Variants in ADGRL3 observed in about 807,000 individuals in gnomAD.
The protein encoded by ADGRL3 is calcium-independent alpha-latrotoxin receptor 3.
Under a neutral mutation model 153.5 loss-of-function variants are expected in ADGRL3, and 62 were observed. The ratio of observed to expected loss-of-function variants is 0.40; its 90% CI spans 0.33 to 0.50. ADGRL3 has a LOEUF of 0.50. ADGRL3 is among the 20% of genes least tolerant of loss of function. The pLI is 0.47. For missense variants in ADGRL3, 1,641 were observed against 1,859.4 expected, an observed-to-expected ratio of 0.88 and a Z score of 2.16; for synonymous variants, 710 against 672.5, an observed-to-expected ratio of 1.06 and a Z score of -0.86.
intron 7 of ADGRL3, among the ~76,000 whole-genome samples, chr4:61,731,023 G>A (rs760919996): frequency 2.6e-5 from 4 of 151,724 alleles, no homozygotes; most frequent in Non-Finnish European, 5.9e-5. Flanking sequence ...AAAGTTTTTC[G>A]AACCACCTAA....
Position 61,484,285 on chromosome 4 carries a change from G to A in ADGRL3, c.-173-12836G>A, listed in dbSNP as rs150524226. Among the ~76,000 whole-genome samples, 299 of 152,026 alleles carry A rather than the reference G, an allele frequency of 2.0e-3. 1 individual carries two copies. Among genetic ancestry groups the A allele is most frequent in the Non-Finnish European group, 3.0e-3 (206 of 67,956 alleles). ...TTGCCATTTTGCCTACCAATTTTCC[G>A]TTTTGACTACCAATTAAAACCCTAA... On this transcript the variant is annotated intron_variant, in intron 2 of 26. Coordinates refer to ENST00000683033, the MANE Select transcript of ADGRL3 (RefSeq NM_001387552.1).
At chr4:61,894,385 A>G (rs1193967695) in intron 10 of ADGRL3, among the ~76,000 whole-genome samples, 1 of 152,182 alleles carries the variant, frequency 6.6e-6, no homozygotes, top group Non-Finnish European at 1.5e-5. Context: ...TTCCAGCAAA[A>G]TATTTTAAAA....
intron 1 of ADGRL3, among the ~76,000 whole-genome samples, chr4:61,266,506 T>C (rs566701040): frequency 3.8e-4 from 57 of 151,796 alleles, no homozygotes; most frequent in Non-Finnish European, 7.7e-4. Context: ...TGTATTGCTT[T>C]GATTTACCAC....
At chr4:61,487,292 C>A (rs1407614430) in intron 2 of ADGRL3, among the ~76,000 whole-genome samples, 3 of 152,158 alleles carry the variant, frequency 2.0e-5, no homozygotes, top group Admixed American at 6.5e-5. Context: ...AACTCTCCAT[C>A]CCTCGATTTC....
chr4:61,937,649 T>G (rs1044673105), intron 15 of ADGRL3, among the ~76,000 whole-genome samples: 9 of 151,934 alleles, frequency 5.9e-5, no homozygotes, highest in African/African-American at 2.2e-4. Context: ...TATTATTATT[T>G]TTTAATCTTC....
intron 17 of ADGRL3, among the ~76,000 whole-genome samples, chr4:61,977,919 A>T (rs1369390039): frequency 1.3e-5 from 2 of 152,154 alleles, no homozygotes; most frequent in African/African-American, 2.4e-5. Context: ...CATAGTGCCC[A>T]ATAGGTTTTC....
At chr4:61,699,587 A>T (rs911012999) in intron 6 of ADGRL3, among the ~76,000 whole-genome samples, 2 of 152,030 alleles carry the variant, frequency 1.3e-5, no homozygotes, top group Non-Finnish European at 2.9e-5. Flanking sequence ...AAGAAAAATC[A>T]CTCTTGGTAG....
chr4:61,917,458 T>G (rs1263092750), intron 13 of ADGRL3, among the ~76,000 whole-genome samples: 24 of 152,172 alleles, frequency 1.6e-4, no homozygotes, highest in African/African-American at 4.8e-4. Flanking sequence ...CAGAGGAGAC[T>G]CTGATGAAAA....
At chr4:61,321,731 C>T (rs571307416) in intron 1 of ADGRL3, among the ~76,000 whole-genome samples, 7 of 152,048 alleles carry the variant, frequency 4.6e-5, no homozygotes, top group African/African-American at 1.7e-4. Context: ...AGAAAAGGTA[C>T]AGTAAAAATA....
chr4:61,803,213 A>T (rs1364475477), intron 8 of ADGRL3, among the ~76,000 whole-genome samples: 2 of 152,124 alleles, frequency 1.3e-5, no homozygotes, highest in Non-Finnish European at 2.9e-5. Context: ...TACAGGAGTT[A>T]TGTGAAAAAA....
chr4:61,481,824 T>G (rs1456954979), intron 2 of ADGRL3, among the ~76,000 whole-genome samples: 1 of 152,136 alleles, frequency 6.6e-6, no homozygotes, highest in Non-Finnish European at 1.5e-5. Flanking sequence ...GTATTTATCT[T>G]CTCTTTAACA....
chr4:61,920,964 G>A (rs868122720), intron 13 of ADGRL3, among the ~76,000 whole-genome samples: 6 of 152,194 alleles, frequency 3.9e-5, no homozygotes, highest in Middle Eastern at 3.4e-3. Flanking sequence ...CAGATGCAAC[G>A]AAAATGCTTT....
chr4:61,654,122 C>G (rs1418166648), intron 5 of ADGRL3, among the ~76,000 whole-genome samples: 1 of 152,184 alleles, frequency 6.6e-6, no homozygotes, highest in Admixed American at 6.5e-5. Flanking sequence ...ATTATACTAA[C>G]TGCAATTTTT....
At chr4:61,225,345 A>G (rs2149088547) in intron 1 of ADGRL3, among the ~76,000 whole-genome samples, 1 of 152,264 alleles carries the variant, frequency 6.6e-6, no homozygotes, top group Admixed American at 6.5e-5. Context: ...CCCCACAGTT[A>G]AAGGGCTATG....
intron 2 of ADGRL3, among the ~76,000 whole-genome samples, chr4:61,396,250 T>C (rs1490261403): frequency 6.6e-6 from 1 of 151,910 alleles, no homozygotes; most frequent in African/African-American, 2.4e-5. Context: ...GAAAAACCAT[T>C]AGATTTTTCT....
At chr4:61,299,994 T>G (rs1199238910) in intron 1 of ADGRL3, among the ~76,000 whole-genome samples, 1 of 152,214 alleles carries the variant, frequency 6.6e-6, no homozygotes, top group Admixed American at 6.5e-5. Flanking sequence ...AAGCCATAGC[T>G]GTATGTTGCA....
chr4:61,744,862 A>G (rs7691739), intron 8 of ADGRL3, among the ~76,000 whole-genome samples: 88,203 of 152,094 alleles, frequency 0.58, 28,016 homozygotes, highest in African/African-American at 0.83. Flanking sequence ...AAAGCTGGAC[A>G]GAGAATGACT....
At chr4:61,657,785 T>C (rs2094481477) in intron 5 of ADGRL3, among the ~76,000 whole-genome samples, 1 of 152,216 alleles carries the variant, frequency 6.6e-6, no homozygotes, top group Admixed American at 6.5e-5. Context: ...ATTTCAGACA[T>C]ATCTGTTAGA....
intron 25 of ADGRL3, among the ~76,000 whole-genome samples, chr4:62,049,519 T>C (rs969999029): frequency 6.6e-5 from 10 of 152,210 alleles, no homozygotes; most frequent in East Asian, 1.9e-4. Context: ...GATTCTCTTT[T>C]CAGAGTTCAG....
Sources: allele counts gnomAD v4.1 joint callset (sites outside exome capture counted in the v4.1 genomes callset), GRCh38; gene constraint gnomAD v4.1.1; transcripts MANE v1.5; gene names NCBI Gene and HGNC (gene_info 2026-07-23, HGNC 2026-07-21).